Variants in PICALM observed in about 807,000 individuals in gnomAD.
The protein encoded by PICALM is phosphatidylinositol binding clathrin assembly protein, also known as phosphatidylinositol-binding clathrin assembly protein.
A neutral mutation model predicts 80.5 loss-of-function variants in PICALM; 40 were observed. That is an observed-to-expected ratio of 0.50 (90% CI 0.39 to 0.65). PICALM has a LOEUF of 0.65. Among genes scored for constraint, PICALM ranks in the 30% least tolerant of loss-of-function variants. The pLI, the probability that PICALM is intolerant of heterozygous loss-of-function variation, is 0.00. For synonymous variants in PICALM, 288 were observed against 260.3 expected, an observed-to-expected ratio of 1.11 and a Z score of -1.02; for missense variants, 676 against 778.9, an observed-to-expected ratio of 0.87 and a Z score of 1.57.
intron 18 of PICALM, 133 bp downstream of exon 18, chr11:85,976,490 G>T: frequency 1.7e-6 from 1 of 585,532 alleles, no homozygotes. Flanking sequence ...CCAATGCTAT[G>T]GTTCTACTGC....
At chr11:85,959,132 G>A in intron 19 of PICALM, 72 bp from the exon 20 acceptor site, 1 of 1,068,174 alleles carries the variant, frequency 9.4e-7, no homozygotes, top group South Asian at 1.4e-5. Context: ...AATGCTTTGT[G>A]GTCTTTACCA....
Position 86,068,917 on chromosome 11 carries a change from T to C in PICALM, c.-137A>G. ...CCCCGCCTGCCGGCCTGGGGCGCGG[T>C]TCGGGGCCGCGCGCTGCCACCAGTC... is the stretch of plus-strand genomic sequence containing the variant. On this transcript the variant is annotated 5_prime_UTR_variant, in exon 1 of 20. Transcript: ENST00000393346. The C allele has an allele frequency of 8.3e-7, 1 of 1,198,864 alleles. No individual in the cohort carries two copies. 74.3% of individuals were successfully genotyped at this position (1,198,864 alleles called of 1,614,324 possible).
intron 11 of PICALM, among the ~76,000 whole-genome samples, chr11:85,997,532 G>A (rs564618434): frequency 4.9e-4 from 74 of 152,274 alleles, no homozygotes; most frequent in South Asian, 1.7e-3. Context: ...GTGCAGCGGC[G>A]TGATCTTGGC....
chr11:86,048,383 T>C (rs181542588), intron 1 of PICALM, among the ~76,000 whole-genome samples: 18 of 152,264 alleles, frequency 1.2e-4, no homozygotes, highest in Middle Eastern at 3.4e-3. Context: ...CAAAACAGTA[T>C]TTTGCAAGAA....
At position 86,005,253 on chromosome 11, in the gene PICALM, T is replaced by C. The variant is rs576830386; in HGVS notation, c.808-1802A>G. 8.5e-4 allele frequency among the ~76,000 whole-genome samples: 130 copies of C among 152,358 alleles called. 4 individuals carry two copies. The South Asian group carries it at 0.025, about 29-fold the overall frequency. On this transcript the variant is annotated intron_variant, in intron 8 of 19. Coordinates refer to ENST00000393346, the MANE Select transcript of PICALM (RefSeq NM_007166.4). ...AAATCCTGGACTGAAACTGTGGTCATAGAAACTGTAGTTTATCTTTTTTCT... is the reference window on the plus strand; with the variant it reads ...AAATCCTGGACTGAAACTGTGGTCACAGAAACTGTAGTTTATCTTTTTTCT...
chr11:85,979,882 G>A (rs1476867366), intron 17 of PICALM, among the ~76,000 whole-genome samples: 2 of 152,160 alleles, frequency 1.3e-5, no homozygotes, highest in Non-Finnish European at 2.9e-5. Context: ...TTTGACTGAC[G>A]AAAATTTGTT....
At chr11:86,047,671 C>T (rs2096098721) in intron 1 of PICALM, among the ~76,000 whole-genome samples, 1 of 152,138 alleles carries the variant, frequency 6.6e-6, no homozygotes, top group African/African-American at 2.4e-5. Context: ...GGGGCCTCAA[C>T]AGTTATAACA....
Position 85,996,809 on chromosome 11 carries a change from A to G in PICALM, c.1258+17T>C. 2 of 1,384,470 alleles carry G rather than the reference A, an allele frequency of 1.4e-6. No homozygotes were observed. Among genetic ancestry groups the G allele is most frequent in the Non-Finnish European group, 2.1e-6 (2 of 971,584 alleles). 85.8% of individuals were successfully genotyped at this position (1,384,470 alleles called of 1,614,324 possible). A position where few individuals can be genotyped will look rare whatever the true frequency, so the allele number is the denominator to read the frequency against. On this transcript the variant is annotated intron_variant, in intron 12 of 19. Transcript: ENST00000393346. ...GAGATGCATGTAACATCTAAAATAG[A>G]ATTCATCAATGCTTACCTCCCCATG... is the stretch of plus-strand genomic sequence containing the variant.
intron 17 of PICALM, among the ~76,000 whole-genome samples, chr11:85,980,433 C>T (rs2094407747): frequency 6.6e-6 from 1 of 152,060 alleles, no homozygotes; most frequent in Admixed American, 6.6e-5. Context: ...CTAAAAGGAC[C>T]GTCTATGTGA....
chr11:86,065,912 T>C (rs1288137269), intron 1 of PICALM, among the ~76,000 whole-genome samples: 3 of 152,178 alleles, frequency 2.0e-5, no homozygotes, highest in Admixed American at 6.5e-5. Flanking sequence ...CTCCACACTC[T>C]AAGGGCTTAT....
chr11:85,982,341 T>C (rs1168790186), intron 14 of PICALM, among the ~76,000 whole-genome samples: 2 of 151,236 alleles, frequency 1.3e-5, no homozygotes, highest in African/African-American at 2.4e-5. Context: ...CTCACTTATA[T>C]CTAAAGCAAT....
At chr11:86,019,971 A>G (rs539997706) in intron 4 of PICALM, among the ~76,000 whole-genome samples, 2 of 152,280 alleles carry the variant, frequency 1.3e-5, no homozygotes, top group Middle Eastern at 3.4e-3. Context: ...ACAGGTCTTC[A>G]TAGCTACAAG....
At position 85,984,472 on chromosome 11, in the gene PICALM, C is replaced by T. The variant is rs989814424; in HGVS notation, c.1409-499G>A. 7.2e-5 allele frequency among the ~76,000 whole-genome samples: 11 copies of T among 152,200 alleles called. 1 individual carries two copies. The highest frequency in any genetic ancestry group is 3.9e-4 in the East Asian group (2 of 5,188). On this transcript the variant is annotated intron_variant, in intron 13 of 19. Coordinates refer to ENST00000393346, the MANE Select transcript of PICALM (RefSeq NM_007166.4). ...CCTTCCTTCAACAGTTAATCAAAAG[C>T]GAAATAGCTTAAGTTCAGTGATGGG...
At chr11:86,003,565 T>A in intron 8 of PICALM, 114 bp from the exon 9 acceptor site, 1 of 492,786 alleles carries the variant, frequency 2.0e-6, no homozygotes, top group Non-Finnish European at 3.5e-6. Flanking sequence ...CTTCATGTAC[T>A]AATTAACAGT....
Position 85,958,364 on chromosome 11 carries a change from A to T in PICALM, c.*682T>A, listed in dbSNP as rs1421026310. The T allele has an allele frequency of 4.7e-6, 1 of 212,716 alleles. No individual in the cohort carries two copies. Among genetic ancestry groups the T allele is most frequent in the Non-Finnish European group, 9.5e-6 (1 of 104,896 alleles). The allele number at this position is 212,716 out of a possible 1,614,324, so 13.2% of individuals were successfully genotyped here. A position where few individuals can be genotyped will look rare whatever the true frequency, so the allele number is the denominator to read the frequency against. The stretch of plus-strand genomic sequence containing the variant: ...TGCCTTAAAATATTTAGTGCTCTGT[A>T]TGTCAGCTGAGAAAAGCATTCTGAA... On this transcript the variant is annotated 3_prime_UTR_variant, in exon 20 of 20. Coordinates refer to ENST00000393346, the MANE Select transcript of PICALM (RefSeq NM_007166.4).
At chr11:85,981,071 G>T in intron 17 of PICALM, 58 bp downstream of exon 17, 1 of 821,182 alleles carries the variant, frequency 1.2e-6, no homozygotes, top group Non-Finnish European at 2.1e-6. Context: ...ACATTTTCAT[G>T]TTACATATTT....
chr11:85,965,051 T>C (rs1243458079), intron 19 of PICALM, among the ~76,000 whole-genome samples: 3 of 152,238 alleles, frequency 2.0e-5, no homozygotes, highest in Non-Finnish European at 4.4e-5. Flanking sequence ...GCTATGGTTT[T>C]GATTGAGTGT....
chr11:86,026,638 G>C (rs528689291), intron 2 of PICALM, among the ~76,000 whole-genome samples: 1 of 152,114 alleles, frequency 6.6e-6, no homozygotes, highest in South Asian at 2.1e-4. Context: ...CAGTAGTTTT[G>C]GTTTTATTAC....
chr11:85,974,343 C>A, intron 19 of PICALM: 1 of 358,678 alleles, frequency 2.8e-6, no homozygotes, highest in Non-Finnish European at 5.7e-6. Context: ...GCTGTAGCAT[C>A]ATTCTAGCCA....
Sources: gnomAD v4.1 joint callset for allele counts (sites outside exome capture counted in the v4.1 genomes callset) on GRCh38, gnomAD v4.1.1 for gene constraint, MANE v1.5 for transcripts, NCBI Gene and HGNC (gene_info 2026-07-23, HGNC 2026-07-21) for gene names.